FRMD1: variants seen among roughly 807,000 people sequenced by gnomAD.
FRMD1 encodes the protein FERM domain-containing protein 1.
FRMD1 carries 51 observed loss-of-function variants against 54.9 expected under a neutral mutation model. The ratio of observed to expected loss-of-function variants is 0.93; its 90% CI spans 0.74 to 1.17. The LOEUF (loss-of-function observed/expected upper bound fraction) is 1.17, where lower values mean the gene tolerates loss of function less well. FRMD1 is among the 50% of genes most tolerant of loss of function. The pLI is 0.00. For missense variants in FRMD1, 729 were observed against 743.0 expected (o/e 0.98, Z 0.22); for synonymous variants, 324 against 306.4 (o/e 1.06, Z -0.60).
Position 168,090,648 on chromosome 6 carries a change from T to C in FRMD1, c.-12+10777A>G, listed in dbSNP as rs193231721. 4.1e-4 allele frequency among the ~76,000 whole-genome samples: 62 copies of C among 152,382 alleles called. No individual in the cohort carries two copies. The East Asian group carries it at 0.011, about 27-fold the overall frequency. On this transcript the variant is annotated intron_variant, in intron 1 of 12. Transcript: ENST00000644440. ...TGCCTGTTTGTTGTCTGTTTCTCCC[T>C]GGAAGGAAAGTTCTGCAAGGTCTTA...
chr6:168,070,380 G>A (rs1461853721), intron 2 of FRMD1, among the ~76,000 whole-genome samples: 2 of 121,078 alleles, frequency 1.7e-5, no homozygotes, highest in Non-Finnish European at 3.5e-5. Context: ...AGAGAGGGAG[G>A]GAAGGAGGGA....
At chr6:168,080,161 G>A (rs1214187127), upstream of FRMD1, among the ~76,000 whole-genome samples, 1 of 152,096 alleles carries the variant, frequency 6.6e-6, no homozygotes, top group Admixed American at 6.5e-5. Flanking sequence ...GGCCTGGCCC[G>A]GTGGGTTTAG....
At chr6:168,081,112 G>C (rs940567349), upstream of FRMD1, among the ~76,000 whole-genome samples, 1 of 152,170 alleles carries the variant, frequency 6.6e-6, no homozygotes, top group Non-Finnish European at 1.5e-5. Context: ...GAAGGCCGCC[G>C]TCCATCTGAG....
chr6:168,065,589 G>C (rs2114979172), intron 4 of FRMD1: 1 of 986,752 alleles, frequency 1.0e-6, no homozygotes, highest in African/African-American at 1.7e-5. Context: ...GCACCAGGTA[G>C]CTCCATCCAT....
At chr6:168,066,618 G>T in intron 4 of FRMD1, 137 bp downstream of exon 4, 1 of 1,430,412 alleles carries the variant, frequency 7.0e-7, no homozygotes, top group Non-Finnish European at 9.2e-7. Context: ...GCAAACAGCC[G>T]ATATAGTGGG....
Position 168,061,020 on chromosome 6 carries a change from C to T in FRMD1, c.1083G>A (p.Glu361=), listed in dbSNP as rs1271350222. 1.9e-6 allele frequency: 3 copies of T among 1,612,780 alleles called. No homozygotes were observed. The Admixed American group carries it at 5.0e-5, about 27-fold the overall frequency. ...TCCTGCTGGCCAGGTCCAGCTCCAGCTCATCGCTGATATAGGACTCCCGGT... is the reference window on the plus strand; with the variant it reads ...TCCTGCTGGCCAGGTCCAGCTCCAGTTCATCGCTGATATAGGACTCCCGGT... The part of the protein sequence containing the change: ...QHYRESYISD[E]LELDLASRSF... The change falls in exon 9 of 11, where the codon GAG becomes GAA. Residue 361 remains glutamate, a synonymous_variant. Coordinates refer to ENST00000283309, the MANE Select transcript of FRMD1 (RefSeq NM_024919.6).
chr6:168,089,296 G>A (rs1461127586), intron 1 of FRMD1, among the ~76,000 whole-genome samples: 3 of 152,196 alleles, frequency 2.0e-5, no homozygotes, highest in Non-Finnish European at 2.9e-5. Flanking sequence ...ACAGCCCCTG[G>A]GGCACAGTCA....
chr6:168,071,441 G>A (rs2114997263), intron 2 of FRMD1, among the ~76,000 whole-genome samples: 1 of 152,332 alleles, frequency 6.6e-6, no homozygotes, highest in African/African-American at 2.4e-5. Context: ...GGGTCAAGAA[G>A]GCCCTGGGGC....
At chr6:168,078,799 C>CCTGCTCACTCCCACGGCT in intron 1 of FRMD1, 83 bp downstream of exon 1, 2 of 1,142,076 alleles carry the variant, frequency 1.8e-6, no homozygotes, top group Non-Finnish European at 1.2e-6. Context: ...CACCCAGGGC[C>CCTGCTCACTCCCACGGCT]CTGCTCACCC....
At chr6:168,069,403 T>C (rs1800189998) in intron 2 of FRMD1, among the ~76,000 whole-genome samples, 1 of 152,220 alleles carries the variant, frequency 6.6e-6, no homozygotes, top group Admixed American at 6.5e-5. Flanking sequence ...AGTCTGCCAA[T>C]GCCCGGTCTA....
chr6:168,086,648 G>A (rs1442669799), intron 1 of FRMD1, among the ~76,000 whole-genome samples: 1 of 152,348 alleles, frequency 6.6e-6, no homozygotes, highest in Admixed American at 6.5e-5. Flanking sequence ...CATGGATGCC[G>A]CCCATGTTCC....
At chr6:168,088,239 G>C (rs1229548810) in intron 1 of FRMD1, among the ~76,000 whole-genome samples, 2 of 152,220 alleles carry the variant, frequency 1.3e-5, no homozygotes, top group Non-Finnish European at 2.9e-5. Context: ...TGAGCCCGAA[G>C]ACTGCAGCCA....
At chr6:168,084,594 G>T (rs973219824), upstream of FRMD1, among the ~76,000 whole-genome samples, 1 of 152,216 alleles carries the variant, frequency 6.6e-6, no homozygotes, top group Admixed American at 6.5e-5. Flanking sequence ...GCCTCTTCCC[G>T]TGGGCCCTCC....
At chr6:168,072,793 C>T (rs1800376811) in intron 2 of FRMD1, among the ~76,000 whole-genome samples, 3 of 152,194 alleles carry the variant, frequency 2.0e-5, no homozygotes, top group Admixed American at 2.0e-4. Flanking sequence ...ACTTTCTTCC[C>T]TCATTCTGTC....
intron 1 of FRMD1, among the ~76,000 whole-genome samples, chr6:168,089,873 A>G (rs951617316): frequency 1.3e-5 from 2 of 152,296 alleles, no homozygotes; most frequent in African/African-American, 2.4e-5. Context: ...GCTCCCATGG[A>G]GGGGCACGAA....
chr6:168,092,659 G>A lies in FRMD1; in HGVS notation c.-12+8766C>T, dbSNP rs116466619. Among the ~76,000 whole-genome samples the A allele has an allele frequency of 3.7e-3, 558 of 152,312 alleles. 4 individuals carry two copies. The highest frequency in any genetic ancestry group is 0.013 in the African/African-American group (531 of 41,564). ...AGCGGCCCTCACCACACACCAAATT[G>A]CCCAGTGCCTTGATCTCAGGCTTCA... On this transcript the variant is annotated intron_variant, in intron 1 of 12. Coordinates refer to the FRMD1 transcript ENST00000644440.
At chr6:168,083,381 T>A (rs1457109456), upstream of FRMD1, among the ~76,000 whole-genome samples, 1 of 152,242 alleles carries the variant, frequency 6.6e-6, no homozygotes, top group African/African-American at 2.4e-5. Context: ...AAGGCATTCC[T>A]GCAGGTGAGG....
At position 168,055,298 on chromosome 6, in the gene FRMD1, A is replaced by AGTGTGCATGTATGGAT. The variant is rs1334071398; in HGVS notation, c.*1783_*1798dup. 1 of 152,366 alleles carries AGTGTGCATGTATGGAT rather than the reference A, an allele frequency of 6.6e-6. No individual in the cohort carries two copies. Among genetic ancestry groups the AGTGTGCATGTATGGAT allele is most frequent in the Non-Finnish European group, 1.5e-5 (1 of 68,542 alleles). The allele number at this position is 152,366 out of a possible 1,614,324, so 9.4% of individuals were successfully genotyped here. ...TGGCAGGGGAAGCCTGGACATGGGG[A>AGTGTGCATGTATGGAT]GTGTGCATGTATGGATGTGTGCATG... On this transcript the variant is annotated 3_prime_UTR_variant, in exon 11 of 11. Transcript: ENST00000283309.
chr6:168,058,719 A>C (rs1799551361), intron 10 of FRMD1, among the ~76,000 whole-genome samples: 1 of 152,180 alleles, frequency 6.6e-6, no homozygotes, highest in Non-Finnish European at 1.5e-5. Flanking sequence ...GGAAGCCTGG[A>C]GCAGCCCTGC....
Sources: gnomAD v4.1 joint callset for allele counts (sites outside exome capture counted in the v4.1 genomes callset) on GRCh38, gnomAD v4.1.1 for gene constraint, MANE v1.5 for transcripts, NCBI Gene and HGNC (gene_info 2026-07-23, HGNC 2026-07-21) for gene names.